Variants in FSIP2 observed in about 807,000 individuals in gnomAD.
FSIP2 encodes fibrous sheath interacting protein 2, also known as fibrous sheath-interacting protein 2.
A neutral mutation model predicts 510.5 loss-of-function variants in FSIP2; 367 were observed. The ratio of observed to expected loss-of-function variants is 0.72; its 90% CI spans 0.66 to 0.78. The LOEUF (loss-of-function observed/expected upper bound fraction) is 0.78. Ranked by LOEUF, FSIP2 falls within the 30% of genes least tolerant of loss-of-function variation. The pLI is 0.00. For missense variants in FSIP2, 7,594 were observed against 7,901.7 expected (o/e 0.96, Z 1.48); for synonymous variants, 2,601 against 2,732.2 (o/e 0.95, Z 1.50).
chr2:185,813,829 A>C lies in FSIP2; in HGVS notation c.20112A>C (p.Leu6704=). 6.2e-7 allele frequency: 1 copy of C among 1,613,664 alleles called. No homozygotes were observed. The highest frequency in any genetic ancestry group is 8.5e-7 in the Non-Finnish European group (1 of 1,179,796). ...IQSKLSPKST[L]STSSLKKFLS... is the part of the protein sequence containing the mutation. ...GCAAACTTTCTCCTAAGTCAACACT[A>C]AGCACGAGCAGCCTGAAAAAATTTT... Residue 6704 remains leucine (L), a synonymous_variant, in exon 18 of 23, where the codon CTA becomes CTC. Transcript: ENST00000424728.
At chr2:185,760,194 CTCT>C (rs1288866870) in intron 9 of FSIP2, among the ~76,000 whole-genome samples, 1 of 128,252 alleles carries the variant, frequency 7.8e-6, no homozygotes, top group African/African-American at 2.9e-5. Flanking sequence ...TTCTTTCTCT[CTCT>C]TTTTATGTTT....
intron 9 of FSIP2, among the ~76,000 whole-genome samples, chr2:185,756,684 A>G (rs2105549568): frequency 6.6e-6 from 1 of 151,458 alleles, no homozygotes; most frequent in East Asian, 1.9e-4. Flanking sequence ...ATTATCTTTT[A>G]ACTTATGTTA....
chr2:185,832,923 A>C (rs760816989), intron 22 of FSIP2, among the ~76,000 whole-genome samples, 167 bp from the exon 23 acceptor site: 1 of 152,006 alleles, frequency 6.6e-6, no homozygotes, highest in Non-Finnish European at 1.5e-5. Context: ...TGTATACGTG[A>C]CTAAAGAAGC....
At chr2:185,815,245 C>T (rs1451486996) in intron 18 of FSIP2, 126 bp from the exon 19 acceptor site, 1 of 594,790 alleles carries the variant, frequency 1.7e-6, no homozygotes, top group Non-Finnish European at 3.0e-6. Flanking sequence ...GGCCCACACC[C>T]ATCTTTTAAC....
At position 185,803,987 on chromosome 2, in the gene FSIP2, A is replaced by T. The variant is rs17826419; in HGVS notation, c.14681A>T (p.Lys4894Ile). Residue 4894 changes from lysine to isoleucine, a missense_variant, in exon 17 of 23, where the codon AAA (lysine) becomes ATA (isoleucine). Transcript: ENST00000424728. ...KKSISDIPVS[K>I]IASFIIKEIF... The stretch of plus-strand genomic sequence containing the variant: ...AGCATAAGTGACATACCTGTTTCAA[A>T]AATAGCGAGTTTTATAATAAAAGAA... 131,280 of 1,493,126 alleles carry T rather than the reference A, an allele frequency of 0.088. 6,959 individuals are homozygous for T. Among genetic ancestry groups the T allele is most frequent in the Non-Finnish European group, 0.1 (113,270 of 1,123,106 alleles). 92.5% of individuals were successfully genotyped at this position (1,493,126 alleles called of 1,614,324 possible). A position where few individuals can be genotyped will look rare whatever the true frequency, so the allele number is the denominator to read the frequency against.
intron 1 of FSIP2, 103 bp downstream of exon 1, chr2:185,739,096 C>T (rs1479673778): frequency 2.2e-6 from 3 of 1,376,818 alleles, no homozygotes; most frequent in Admixed American, 5.4e-5. Flanking sequence ...TCCCAACTGT[C>T]CCCCGTCAGG....
At chr2:185,787,029 G>A (rs1574178330) in intron 15 of FSIP2, among the ~76,000 whole-genome samples, 1 of 151,620 alleles carries the variant, frequency 6.6e-6, no homozygotes, top group African/African-American at 2.4e-5. Context: ...GAATCTCTTC[G>A]CCGTAACTAA....
In FSIP2 at chr2:185,808,767, A is replaced by T. The variant is rs1215723881; in HGVS notation, c.19461A>T (p.Arg6487Ser). The change falls in exon 17 of 23, where the codon AGA becomes AGT. Residue 6487 changes from arginine (R) to serine (S), a missense_variant. Arg to Ser is a moderately radical substitution (Grantham distance 110, BLOSUM62 -1). Coordinates refer to ENST00000424728, the MANE Select transcript of FSIP2 (RefSeq NM_173651.4). The stretch of plus-strand genomic sequence containing the variant: ...TCTCTGGAGAGCTAGACGTTAATAG[A>T]ATTGTTCAAAAGGCCCAAGAACATG... ...ADLSGELDVN[R>S]IVQKAQEHAF... 2 of 1,612,652 alleles carry T rather than the reference A, an allele frequency of 1.2e-6. No individual in the cohort carries two copies. Among genetic ancestry groups the T allele is most frequent in the Non-Finnish European group, 1.7e-6 (2 of 1,179,426 alleles).
rs1559027219 is a variant in FSIP2 at position 185,792,518 on chromosome 2, C to A, written c.5382C>A (p.Ile1794=). ...ILNEIFQSTL[I]NQLNVLSLSH... is the part of the protein sequence containing the mutation. ...ATGAAATTTTTCAAAGTACTTTAAT[C>A]AATCAATTAAATGTCCTTTCTCTCT... Residue 1794 remains isoleucine (I), a synonymous_variant, in exon 16 of 23, where the codon ATC becomes ATA. Transcript: ENST00000424728. The A allele has an allele frequency of 2.0e-6, 3 of 1,527,098 alleles. No individual in the cohort carries two copies. The highest frequency in any genetic ancestry group is 1.2e-5 in the South Asian group (1 of 83,740). 94.6% of individuals were successfully genotyped at this position (1,527,098 alleles called of 1,614,324 possible). A position where few individuals can be genotyped will look rare whatever the true frequency, so the allele number is the denominator to read the frequency against.
At chr2:185,767,170 G>A (rs1194943517) in intron 13 of FSIP2, among the ~76,000 whole-genome samples, 1 of 147,870 alleles carries the variant, frequency 6.8e-6, no homozygotes, top group Non-Finnish European at 1.5e-5. Flanking sequence ...GACTGTTGTG[G>A]GGTGGGGGCA....
rs757723606 is a variant in FSIP2, at chr2:185,803,263, G to T, written c.13957G>T (p.Glu4653Ter). Residue 4653 changes from glutamate (E) to a stop codon, truncating the protein, a stop_gained, in exon 17 of 23, where the codon GAA (glutamate) becomes TAA (stop). Coordinates refer to ENST00000424728, the MANE Select transcript of FSIP2 (RefSeq NM_173651.4). LOFTEE classifies it high-confidence loss of function. ...AAAATCCATAAGAGATTCAGAAGAT[G>T]AACTGTTTGAGAAAGCTGAAGAACT... ...QTKSIRDSED[E>*]LFEKAEELIH... 1 of 1,525,246 alleles carries T rather than the reference G, an allele frequency of 6.6e-7. No individual in the cohort carries two copies. Among genetic ancestry groups the T allele is most frequent in the Admixed American group, 2.0e-5 (1 of 49,124 alleles). The allele number at this position is 1,525,246 out of a possible 1,614,324, so 94.5% of individuals were successfully genotyped here.
intron 3 of FSIP2, among the ~76,000 whole-genome samples, chr2:185,743,762 T>C (rs1245044395): frequency 1.3e-5 from 2 of 152,204 alleles, no homozygotes; most frequent in African/African-American, 4.8e-5. Flanking sequence ...TTACAGCTAA[T>C]TGAAATTATT....
chr2:185,786,893 G>C (rs963581108), intron 15 of FSIP2, among the ~76,000 whole-genome samples: 1 of 151,764 alleles, frequency 6.6e-6, no homozygotes, highest in Non-Finnish European at 1.5e-5. Flanking sequence ...CAAAAGCTTT[G>C]ACCCAAGGGA....
At chr2:185,751,318 T>C (rs948097148) in intron 7 of FSIP2, among the ~76,000 whole-genome samples, 3 of 151,608 alleles carry the variant, frequency 2.0e-5, no homozygotes, top group Non-Finnish European at 3.0e-5. Context: ...TATGAAAATA[T>C]TTTATTTTCC....
intron 21 of FSIP2, among the ~76,000 whole-genome samples, chr2:185,829,989 A>T (rs1694078355): frequency 6.6e-6 from 1 of 151,884 alleles, no homozygotes; most frequent in South Asian, 2.1e-4. Context: ...GAGAACCTGA[A>T]CTGCATTCTT....
At chr2:185,782,377 G>C (rs1692871319) in intron 13 of FSIP2, among the ~76,000 whole-genome samples, 1 of 152,136 alleles carries the variant, frequency 6.6e-6, no homozygotes, top group Non-Finnish European at 1.5e-5. Context: ...ATACAGCACA[G>C]GGTGTTCTAG....
chr2:185,828,419 TC>T (rs34413954), intron 21 of FSIP2, among the ~76,000 whole-genome samples: 2 of 151,858 alleles, frequency 1.3e-5, no homozygotes, highest in East Asian at 3.9e-4. Flanking sequence ...AAGTCAGCAT[TC>T]CTTGTTTAGG....
At chr2:185,752,509 T>C (rs1158523176) in intron 7 of FSIP2, among the ~76,000 whole-genome samples, 1 of 151,320 alleles carries the variant, frequency 6.6e-6, no homozygotes, top group Non-Finnish European at 1.5e-5. Context: ...TATCTAATAT[T>C]TATTTTATCT....
At position 185,802,802 on chromosome 2, in the gene FSIP2, G is replaced by C. The variant is rs1376971339; in HGVS notation, c.13496G>C (p.Arg4499Thr). ...AGAGACACCCAAAAAGATATATCAA[G>C]AGTGAATTTCAATGACATTGCTTCA... is the stretch of plus-strand genomic sequence containing the variant. The part of the protein sequence containing the change: ...LNRDTQKDIS[R>T]VNFNDIASNL... Residue 4499 changes from arginine (R) to threonine (T), a missense_variant, in exon 17 of 23, where the codon AGA (arginine) becomes ACA (threonine). Physicochemically the swap from Arg to Thr is moderately conservative, Grantham distance 71 (BLOSUM62 -1). Coordinates refer to ENST00000424728, the MANE Select transcript of FSIP2 (RefSeq NM_173651.4). 1.4e-5 allele frequency: 22 copies of C among 1,521,080 alleles called. No individual in the cohort carries two copies. Among genetic ancestry groups the C allele is most frequent in the Non-Finnish European group, 1.8e-5 (21 of 1,141,194 alleles). The allele number at this position is 1,521,080 out of a possible 1,614,324, so 94.2% of individuals were successfully genotyped here.
Sources: allele counts gnomAD v4.1 joint callset (sites outside exome capture counted in the v4.1 genomes callset), GRCh38; gene constraint gnomAD v4.1.1; transcripts MANE v1.5; gene names NCBI Gene and HGNC (gene_info 2026-07-23, HGNC 2026-07-21).